RAP1GDS1: variants seen among roughly 807,000 people sequenced by gnomAD.
RAP1GDS1 encodes RAP1, GTP-GDP dissociation stimulator 1.
RAP1GDS1 carries 35 observed loss-of-function variants against 71.1 expected under a neutral mutation model. The ratio of observed to expected loss-of-function variants is 0.49; its 90% CI spans 0.38 to 0.65. RAP1GDS1 has a LOEUF of 0.65. Ranked by LOEUF, RAP1GDS1 falls within the 30% of genes least tolerant of loss-of-function variation. The pLI, the probability that RAP1GDS1 is intolerant of heterozygous loss-of-function variation, is 0.00. For synonymous variants in RAP1GDS1, 229 were observed against 243.1 expected (o/e 0.94, Z 0.54); for missense variants, 663 against 706.1 (o/e 0.94, Z 0.69).
intron 7 of RAP1GDS1, chr4:98,409,681 CCACCTAGAGAAGCG>C (rs1378579917): frequency 7.6e-6 from 3 of 392,832 alleles, no homozygotes; most frequent in Non-Finnish European, 1.5e-5. Flanking sequence ...ACAGTCTGTT[CCACCTAGAGAAGCG>C]CACTTTGTGA....
At chr4:98,347,421 T>A (rs1736448932) in intron 3 of RAP1GDS1, among the ~76,000 whole-genome samples, 1 of 152,200 alleles carries the variant, frequency 6.6e-6, no homozygotes, top group Non-Finnish European at 1.5e-5. Context: ...TAGTCTTAGG[T>A]GGAAATCAAC....
chr4:98,275,887 A>G (rs146668757), intron 1 of RAP1GDS1, among the ~76,000 whole-genome samples: 1,671 of 151,862 alleles, frequency 0.011, 36 homozygotes, highest in African/African-American at 0.038. Context: ...GGCCCTTATT[A>G]CCTCTTCTTG....
At chr4:98,400,528 T>TAAAAAA (rs774732053) in intron 6 of RAP1GDS1, among the ~76,000 whole-genome samples, 6 of 74,340 alleles carry the variant, frequency 8.1e-5, no homozygotes, top group African/African-American at 2.6e-4. Flanking sequence ...TTTATAGAAG[T>TAAAAAA]AAAAAAAAAA....
chr4:98,319,445 C>T (rs765787348), intron 2 of RAP1GDS1, among the ~76,000 whole-genome samples: 8 of 151,872 alleles, frequency 5.3e-5, no homozygotes, highest in African/African-American at 9.7e-5. Flanking sequence ...TTTTTTCAGT[C>T]TCATGTGTAT....
chr4:98,377,252 A>G (rs1741301504), intron 4 of RAP1GDS1, among the ~76,000 whole-genome samples: 1 of 151,992 alleles, frequency 6.6e-6, no homozygotes, highest in Admixed American at 6.6e-5. Flanking sequence ...GGGATGTACT[A>G]TACCTTCATA....
intron 4 of RAP1GDS1, among the ~76,000 whole-genome samples, chr4:98,370,040 C>T (rs1740124091): frequency 1.3e-5 from 2 of 152,160 alleles, no homozygotes; most frequent in African/African-American, 4.8e-5. Context: ...TTCCATTTTA[C>T]TCTGAACACT....
At chr4:98,432,132 G>A (rs1750512914) in intron 12 of RAP1GDS1, among the ~76,000 whole-genome samples, 1 of 152,130 alleles carries the variant, frequency 6.6e-6, no homozygotes, top group Admixed American at 6.5e-5. Flanking sequence ...CCAGAGGGCA[G>A]AAATTTTAAA....
At chr4:98,282,830 C>T (rs956248060) in intron 1 of RAP1GDS1, among the ~76,000 whole-genome samples, 4 of 152,112 alleles carry the variant, frequency 2.6e-5, no homozygotes, top group African/African-American at 9.7e-5. Flanking sequence ...TATTTGTTCT[C>T]ATTGGTTTCA....
intron 2 of RAP1GDS1, among the ~76,000 whole-genome samples, chr4:98,305,018 T>C (rs375715183): frequency 2.0e-5 from 3 of 152,190 alleles, no homozygotes; most frequent in Non-Finnish European, 2.9e-5. Flanking sequence ...TTCTGTCTTA[T>C]TGGTCTGTGT....
At chr4:98,366,347 G>T (rs147195697) in intron 4 of RAP1GDS1, among the ~76,000 whole-genome samples, 1 of 152,244 alleles carries the variant, frequency 6.6e-6, no homozygotes, top group East Asian at 1.9e-4. Context: ...ATGATTGTGA[G>T]GCTTTCCCAA....
intron 2 of RAP1GDS1, among the ~76,000 whole-genome samples, chr4:98,303,244 CTT>C (rs1180327661): frequency 6.6e-6 from 1 of 152,092 alleles, no homozygotes; most frequent in Non-Finnish European, 1.5e-5. Flanking sequence ...ATACTGTACT[CTT>C]TGCCTTCTAG....
intron 12 of RAP1GDS1, among the ~76,000 whole-genome samples, chr4:98,422,752 C>T (rs528271298): frequency 5.4e-4 from 82 of 152,346 alleles, no homozygotes; most frequent in Non-Finnish European, 9.1e-4. Flanking sequence ...TGGTAAGCCT[C>T]AGGAGTGTTC....
At chr4:98,394,722 AAAT>A (rs1744259859) in intron 6 of RAP1GDS1, among the ~76,000 whole-genome samples, 1 of 152,142 alleles carries the variant, frequency 6.6e-6, no homozygotes, top group South Asian at 2.1e-4. Flanking sequence ...GTTCTAAGAC[AAAT>A]AACTTACATA....
intron 3 of RAP1GDS1, among the ~76,000 whole-genome samples, chr4:98,345,179 C>T (rs143578859): frequency 4.6e-4 from 70 of 152,216 alleles, no homozygotes; most frequent in Non-Finnish European, 8.7e-4. Context: ...GAAATGCAAC[C>T]TGACACAACA....
chr4:98,417,528 C>A lies in RAP1GDS1; in HGVS notation c.1039+30C>A. ...GCATATTAGTTCCTCCTTTGTTAGT[C>A]AAATACTCTATATTTGTTTATTTTT... On this transcript the variant is annotated intron_variant, in intron 9 of 14. Coordinates refer to ENST00000408927, the MANE Select transcript of RAP1GDS1 (RefSeq NM_001100427.2). 4 of 1,603,170 alleles carry A rather than the reference C, an allele frequency of 2.5e-6. No homozygotes were observed. In the South Asian group the frequency reaches 4.4e-5, roughly 18 times the overall value.
intron 1 of RAP1GDS1, among the ~76,000 whole-genome samples, chr4:98,272,532 T>C (rs552057264): frequency 6.6e-6 from 1 of 152,282 alleles, no homozygotes; most frequent in South Asian, 2.1e-4. Context: ...TCGGACGTTG[T>C]CATGGAGAAG....
intron 12 of RAP1GDS1, among the ~76,000 whole-genome samples, chr4:98,428,719 G>C (rs1749972582): frequency 6.6e-6 from 1 of 152,056 alleles, no homozygotes; most frequent in East Asian, 1.9e-4. Flanking sequence ...CAGTGAATAG[G>C]GAATACTTCT....
chr4:98,294,758 A>C (rs1245251295), intron 2 of RAP1GDS1, among the ~76,000 whole-genome samples: 2 of 152,140 alleles, frequency 1.3e-5, no homozygotes, highest in Admixed American at 1.3e-4. Context: ...TCCCATGATC[A>C]CAGAAAATTC....
chr4:98,382,742 C>G (rs990936111), intron 5 of RAP1GDS1, among the ~76,000 whole-genome samples: 12 of 151,482 alleles, frequency 7.9e-5, no homozygotes, highest in African/African-American at 2.7e-4. Flanking sequence ...TTTCTGGATA[C>G]TTATTATCGT....
Sources: gnomAD v4.1 joint callset for allele counts (sites outside exome capture counted in the v4.1 genomes callset) on GRCh38, gnomAD v4.1.1 for gene constraint, MANE v1.5 for transcripts, NCBI Gene and HGNC (gene_info 2026-07-23, HGNC 2026-07-21) for gene names.